Variants in ACSS3 observed in about 807,000 individuals in gnomAD.
The protein encoded by ACSS3 is acyl-CoA synthetase short chain family member 3.
A neutral mutation model predicts 84.2 loss-of-function variants in ACSS3; 64 were observed. The ratio of observed to expected loss-of-function variants is 0.76; its 90% CI spans 0.62 to 0.94. The LOEUF (loss-of-function observed/expected upper bound fraction) is 0.94, where lower values mean the gene tolerates loss of function less well. Ranked by LOEUF, ACSS3 falls within the 40% of genes least tolerant of loss-of-function variation. The probability of loss-of-function intolerance (pLI) is 0.00; values close to 1 mark genes in which losing one functional copy is unlikely to be tolerated. For synonymous variants in ACSS3, 317 were observed against 310.1 expected, an observed-to-expected ratio of 1.02 and a Z score of -0.23; for missense variants, 815 against 867.6, an observed-to-expected ratio of 0.94 and a Z score of 0.76.
chr12:81,218,894 G>A (rs1466577396), intron 10 of ACSS3, among the ~76,000 whole-genome samples: 1 of 151,492 alleles, frequency 6.6e-6, no homozygotes, highest in Non-Finnish European at 1.5e-5. Context: ...TTTTGTGATT[G>A]TTTAGAGATT....
chr12:81,245,725 T>A (rs2033962743), intron 13 of ACSS3, among the ~76,000 whole-genome samples: 1 of 152,200 alleles, frequency 6.6e-6, no homozygotes, highest in Admixed American at 6.5e-5. Flanking sequence ...CTCTACAGTT[T>A]TGGGGGAGTG....
intron 13 of ACSS3, among the ~76,000 whole-genome samples, chr12:81,245,190 G>A (rs1003142351): frequency 2.0e-5 from 3 of 152,112 alleles, no homozygotes; most frequent in Admixed American, 6.5e-5. Context: ...GGGCTGGCGC[G>A]GTGGCTCACG....
chr12:81,105,597 T>C (rs1284216472), intron 1 of ACSS3, among the ~76,000 whole-genome samples: 1 of 152,174 alleles, frequency 6.6e-6, no homozygotes, highest in Non-Finnish European at 1.5e-5. Flanking sequence ...AGTAAAAACT[T>C]CCCTAGTTAC....
chr12:81,198,359 C>T (rs570181535), intron 8 of ACSS3, among the ~76,000 whole-genome samples: 18 of 152,012 alleles, frequency 1.2e-4, no homozygotes, highest in Non-Finnish European at 2.2e-4. Context: ...AAGACAGAAA[C>T]AGAATGTTAT....
chr12:81,106,124 AG>A (rs1483760049), intron 1 of ACSS3, among the ~76,000 whole-genome samples: 1 of 152,188 alleles, frequency 6.6e-6, no homozygotes, highest in East Asian at 1.9e-4. Flanking sequence ...GTGGCCTGTT[AG>A]GAACTGGGCC....
intron 8 of ACSS3, among the ~76,000 whole-genome samples, chr12:81,194,551 T>A (rs943675333): frequency 2.0e-5 from 3 of 151,902 alleles, no homozygotes; most frequent in African/African-American, 7.2e-5. Context: ...TTAATGGAAA[T>A]GGAAGGGATT....
intron 8 of ACSS3, among the ~76,000 whole-genome samples, chr12:81,188,212 T>A (rs552111284): frequency 6.6e-6 from 1 of 152,126 alleles, no homozygotes; most frequent in South Asian, 2.1e-4. Context: ...TAGTAAATAA[T>A]GAAACTGATC....
At chr12:81,173,195 A>T (rs1162281209) in intron 7 of ACSS3, among the ~76,000 whole-genome samples, 1 of 152,134 alleles carries the variant, frequency 6.6e-6, no homozygotes, top group Non-Finnish European at 1.5e-5. Flanking sequence ...AAAGTTGTAG[A>T]CTCATTTCAG....
chr12:81,167,652 A>G (rs946209266), intron 7 of ACSS3, among the ~76,000 whole-genome samples: 2 of 152,150 alleles, frequency 1.3e-5, no homozygotes, highest in African/African-American at 2.4e-5. Flanking sequence ...TTTTAGCACC[A>G]TTTGTCCATT....
chr12:81,104,041 A>G (rs1029357952), intron 1 of ACSS3, among the ~76,000 whole-genome samples: 3 of 152,208 alleles, frequency 2.0e-5, no homozygotes, highest in Admixed American at 6.5e-5. Flanking sequence ...TTCTGTTTTC[A>G]AGACAAGACA....
intron 1 of ACSS3, among the ~76,000 whole-genome samples, chr12:81,099,861 G>A (rs1380147595): frequency 1.3e-5 from 2 of 152,182 alleles, no homozygotes; most frequent in Non-Finnish European, 2.9e-5. Flanking sequence ...GAAGAATCAT[G>A]TAAACATTTA....
chr12:81,224,559 T>G (rs1951689799), intron 11 of ACSS3, among the ~76,000 whole-genome samples: 1 of 112,438 alleles, frequency 8.9e-6, no homozygotes, highest in Non-Finnish European at 1.9e-5. Context: ...TACATATATA[T>G]ATACACACAC....
Position 81,199,444 on chromosome 12 carries a change from G to A in ACSS3, c.1354G>A (p.Glu452Lys). The stretch of plus-strand genomic sequence containing the variant: ...TGTCTTAGACCATTGGTGGCAAACT[G>A]GTAAGCATTTTCCTAGCATGTACAT... ...VPVLDHWWQT[E>K]TGSPITASCV... The change falls in exon 9 of 16, where the codon GAG (glutamate) becomes AAG (lysine). Residue 452 changes from glutamate (E) to lysine (K), a missense_variant and splice_region_variant. Glu to Lys is a moderately conservative substitution (Grantham distance 56). Transcript: ENST00000548058. The A allele has an allele frequency of 1.9e-6, 3 of 1,610,690 alleles. No individual in the cohort carries two copies. The highest frequency in any genetic ancestry group is 2.5e-6 in the Non-Finnish European group (3 of 1,177,930).
chr12:81,206,638 C>T (rs1488422918), intron 9 of ACSS3, among the ~76,000 whole-genome samples: 9 of 151,952 alleles, frequency 5.9e-5, no homozygotes, highest in African/African-American at 9.7e-5. Context: ...AGAAAAGAAG[C>T]CCTATGTCAT....
chr12:81,127,265 A>G (rs1471127585), intron 2 of ACSS3, among the ~76,000 whole-genome samples: 1 of 151,970 alleles, frequency 6.6e-6, no homozygotes, highest in East Asian at 1.9e-4. Context: ...ATGTTATATG[A>G]AAATATTTAT....
intron 11 of ACSS3, among the ~76,000 whole-genome samples, chr12:81,220,979 C>G (rs2033085386): frequency 6.6e-6 from 1 of 151,998 alleles, no homozygotes; most frequent in African/African-American, 2.4e-5. Context: ...ATTACTGGGT[C>G]AAACAGTATC....
At chr12:81,213,473 A>G (rs1292618315) in intron 9 of ACSS3, among the ~76,000 whole-genome samples, 2 of 151,954 alleles carry the variant, frequency 1.3e-5, no homozygotes, top group African/African-American at 2.4e-5. Flanking sequence ...TGTTCTACCT[A>G]TGATTCCTTA....
chr12:81,152,222 A>G (rs1017297259), intron 7 of ACSS3, 126 bp downstream of exon 7: 2 of 620,778 alleles, frequency 3.2e-6, no homozygotes, highest in Non-Finnish European at 5.3e-6. Flanking sequence ...ATCTTCTTCC[A>G]GTTAAAAATA....
In ACSS3 at chr12:81,223,729, A is replaced by C. The variant is rs541768886; in HGVS notation, c.1514+3653A>C. 1.4e-4 allele frequency among the ~76,000 whole-genome samples: 21 copies of C among 152,162 alleles called. No individual in the cohort carries two copies. In the South Asian group the frequency reaches 4.3e-3, roughly 32 times the overall value. On this transcript the variant is annotated intron_variant, in intron 11 of 15. Transcript: ENST00000548058. ...AAAATAACTTCATATGAAAATCTCG[A>C]GAAAATCCTAAGGACCCCATAGGAA... is the stretch of plus-strand genomic sequence containing the variant.
Sources: allele counts gnomAD v4.1 joint callset (sites outside exome capture counted in the v4.1 genomes callset), GRCh38; gene constraint gnomAD v4.1.1; transcripts MANE v1.5; gene names NCBI Gene and HGNC (gene_info 2026-07-23, HGNC 2026-07-21).